Variants in KCNK13 observed in about 807,000 individuals in gnomAD.
The protein encoded by KCNK13 is potassium channel subfamily K member 13.
Under a neutral mutation model 23.4 loss-of-function variants are expected in KCNK13, and 12 were observed. That is an observed-to-expected ratio of 0.51 (90% confidence interval 0.33 to 0.83). KCNK13 has a LOEUF of 0.83. Among genes scored for constraint, KCNK13 ranks in the 40% least tolerant of loss-of-function variants. The pLI is 0.02. For synonymous variants in KCNK13, 231 were observed against 229.5 expected (o/e 1.01, Z -0.06); for missense variants, 463 against 556.3 (o/e 0.83, Z 1.69).
intron 1 of KCNK13, among the ~76,000 whole-genome samples, chr14:90,098,960 C>T (rs1293061134): frequency 6.6e-6 from 1 of 151,956 alleles, no homozygotes; most frequent in Admixed American, 6.6e-5. Flanking sequence ...TGCCTGTATT[C>T]CCAGCTGCTT....
In KCNK13 at chr14:90,062,167, G is replaced by A. The variant is rs751592725; in HGVS notation, c.-39G>A. The A allele has an allele frequency of 6.3e-6, 8 of 1,275,154 alleles. No homozygotes were observed. The African/African-American group carries it at 9.4e-5, about 15-fold the overall frequency. 79.0% of individuals were successfully genotyped at this position (1,275,154 alleles called of 1,614,324 possible). On this transcript the variant is annotated 5_prime_UTR_variant, in exon 1 of 2. Coordinates refer to ENST00000282146, the MANE Select transcript of KCNK13 (RefSeq NM_022054.4). The surrounding 1 kb of genome is among the most constrained non-coding windows in gnomAD (Gnocchi z 4.5). ...TGTGGGCGAGACTCCGCCGACGCCC[G>A]GTGCCGTGGGCCTGGGGGCTGCCCC...
chr14:90,175,903 G>A (rs967265688), intron 1 of KCNK13, among the ~76,000 whole-genome samples: 2 of 152,158 alleles, frequency 1.3e-5, no homozygotes, highest in African/African-American at 4.8e-5. Flanking sequence ...CTCCAGCTGA[G>A]TGGTCACCCT....
At chr14:90,089,488 A>C (rs1344139548) in intron 1 of KCNK13, among the ~76,000 whole-genome samples, 4 of 152,232 alleles carry the variant, frequency 2.6e-5, no homozygotes, top group Non-Finnish European at 5.9e-5. Flanking sequence ...TCAGTTTTAT[A>C]AGGGAAATAG....
At chr14:90,159,543 C>T (rs1890229698) in intron 1 of KCNK13, among the ~76,000 whole-genome samples, 1 of 152,156 alleles carries the variant, frequency 6.6e-6, no homozygotes, top group African/African-American at 2.4e-5. Flanking sequence ...AGAAATCTCC[C>T]AAGGTGTACA....
At chr14:90,110,235 G>T (rs373350162) in intron 1 of KCNK13, among the ~76,000 whole-genome samples, 3 of 152,144 alleles carry the variant, frequency 2.0e-5, no homozygotes, top group Admixed American at 6.5e-5. Flanking sequence ...CACCTGAGCC[G>T]GTGCGGTGGC....
intron 1 of KCNK13, among the ~76,000 whole-genome samples, chr14:90,071,444 T>C (rs1263854148): frequency 1.3e-5 from 2 of 152,170 alleles, no homozygotes; most frequent in African/African-American, 4.8e-5. Flanking sequence ...CCTCCCCAAC[T>C]TTCTCCCAAC....
chr14:90,119,848 C>T (rs1340813382), intron 1 of KCNK13, among the ~76,000 whole-genome samples: 1 of 152,140 alleles, frequency 6.6e-6, no homozygotes, highest in Non-Finnish European at 1.5e-5. Flanking sequence ...GATCCGCCCA[C>T]CTTGGCATCG....
At chr14:90,083,892 G>T (rs1443383479) in intron 1 of KCNK13, among the ~76,000 whole-genome samples, 4 of 152,162 alleles carry the variant, frequency 2.6e-5, no homozygotes, top group African/African-American at 9.7e-5. Context: ...ACTAGTCTTA[G>T]CCCCATTTAA....
intron 1 of KCNK13, among the ~76,000 whole-genome samples, chr14:90,133,634 A>G (rs1212642122): frequency 3.3e-5 from 5 of 151,190 alleles, no homozygotes; most frequent in South Asian, 2.1e-4. Flanking sequence ...AAATTGCCCA[A>G]TGTTACAGAG....
At chr14:90,092,896 AGTGAGACCCT>A (rs1283277588) in intron 1 of KCNK13, among the ~76,000 whole-genome samples, 9 of 123,396 alleles carry the variant, frequency 7.3e-5, no homozygotes, top group Non-Finnish European at 1.1e-4. Context: ...TGGATGACAG[AGTGAGACCCT>A]GTCTCCAAAA....
At position 90,062,970 on chromosome 14, in the gene KCNK13, G is replaced by A. The variant is rs955638469; in HGVS notation, c.334+431G>A. On this transcript the variant is annotated intron_variant, in intron 1 of 1. Coordinates refer to ENST00000282146, the MANE Select transcript of KCNK13 (RefSeq NM_022054.4). This position sits in a 1 kb window ranked among gnomAD's most constrained non-coding sequence, Gnocchi z 4.5. ...ATTTACTGAGTCAGTCAGAGGGGAAGTGCAGATTTTAAAAGATTCTGCCCT... is the reference window on the plus strand; with the variant it reads ...ATTTACTGAGTCAGTCAGAGGGGAAATGCAGATTTTAAAAGATTCTGCCCT... Among the ~76,000 whole-genome samples the A allele has an allele frequency of 3.9e-5, 6 of 152,164 alleles. No individual in the cohort carries two copies. Among genetic ancestry groups the A allele is most frequent in the African/African-American group, 1.4e-4 (6 of 41,430 alleles).
At chr14:90,179,269 A>G (rs1003294966) in intron 1 of KCNK13, among the ~76,000 whole-genome samples, 1 of 151,868 alleles carries the variant, frequency 6.6e-6, no homozygotes, top group African/African-American at 2.4e-5. Flanking sequence ...AGTTTATTAT[A>G]CTTTCTGCTC....
chr14:90,179,164 G>A (rs867034054), intron 1 of KCNK13, among the ~76,000 whole-genome samples: 2 of 144,416 alleles, frequency 1.4e-5, no homozygotes, highest in South Asian at 5.0e-4. Context: ...TGTTATCTGG[G>A]ATTAACTTTA....
At chr14:90,072,952 C>G (rs1400347150) in intron 1 of KCNK13, among the ~76,000 whole-genome samples, 3 of 152,060 alleles carry the variant, frequency 2.0e-5, no homozygotes, top group African/African-American at 7.2e-5. Context: ...AACAACAACC[C>G]CATAAGATTG....
Position 90,062,633 on chromosome 14 carries a change from T to C in KCNK13, c.334+94T>C, listed in dbSNP as rs1338393226. On this transcript the variant is annotated intron_variant, in intron 1 of 1. Transcript: ENST00000282146. This position sits in a 1 kb window ranked among gnomAD's most constrained non-coding sequence, Gnocchi z 4.5. ...ACCCTCTCATCCTTTCATTCATCCA[T>C]CTGGGCGCCCAGCCAGACTCCACTG... is the stretch of plus-strand genomic sequence containing the variant. 4 of 977,444 alleles carry C rather than the reference T, an allele frequency of 4.1e-6. No homozygotes were observed. Among genetic ancestry groups the C allele is most frequent in the Non-Finnish European group, 5.8e-6 (4 of 689,156 alleles). 60.5% of individuals were successfully genotyped at this position (977,444 alleles called of 1,614,324 possible).
At chr14:90,168,865 T>C (rs1023648578) in intron 1 of KCNK13, among the ~76,000 whole-genome samples, 4 of 152,198 alleles carry the variant, frequency 2.6e-5, no homozygotes, top group Admixed American at 1.3e-4. Context: ...AATTGAATCA[T>C]GGAGGGGGCC....
intron 1 of KCNK13, among the ~76,000 whole-genome samples, chr14:90,122,913 G>T (rs563337239): frequency 6.6e-6 from 1 of 152,112 alleles, no homozygotes; most frequent in East Asian, 1.9e-4. Context: ...TTCCCAGCAC[G>T]GTTCCGTCAC....
rs562008809 is a variant in KCNK13 at position 90,092,138 on chromosome 14, G to A, written c.334+29599G>A. 9.9e-5 allele frequency among the ~76,000 whole-genome samples: 15 copies of A among 152,170 alleles called. No individual in the cohort carries two copies. In the South Asian group the frequency reaches 1.0e-3, roughly 11 times the overall value. The stretch of plus-strand genomic sequence containing the variant: ...GGGGTTTCACCATGTTAGCCAGGAT[G>A]GTCTCCATCTCCTGACCTCGTGATC... On this transcript the variant is annotated intron_variant, in intron 1 of 1. Coordinates refer to ENST00000282146, the MANE Select transcript of KCNK13 (RefSeq NM_022054.4).
rs1294988991 is a variant in KCNK13, at chr14:90,063,729, C to T, written c.334+1190C>T. Among the ~76,000 whole-genome samples the T allele has an allele frequency of 3.9e-5, 6 of 152,316 alleles. No individual in the cohort carries two copies. The East Asian group carries it at 9.7e-4, about 25-fold the overall frequency. On this transcript the variant is annotated intron_variant, in intron 1 of 1. Transcript: ENST00000282146. Reference sequence around the variant, plus strand: ...GAGGCTCCCACACATGGCTGTGCTACATAGACATTCTGCCAGGAGAAGCAG... The same window carrying T: ...GAGGCTCCCACACATGGCTGTGCTATATAGACATTCTGCCAGGAGAAGCAG...
Sources: allele counts gnomAD v4.1 joint callset (sites outside exome capture counted in the v4.1 genomes callset), GRCh38; gene constraint gnomAD v4.1.1; non-coding constraint Gnocchi (gnomAD v3.1); transcripts MANE v1.5; gene names NCBI Gene and HGNC (gene_info 2026-07-23, HGNC 2026-07-21).